The following PARD3 variants were observed in gnomAD, a reference collection of about 807,000 sequenced individuals.
PARD3 encodes the protein partitioning defective 3 homolog.
In PARD3, 75 loss-of-function variants were observed where a neutral mutation model predicts 155.4. The observed-to-expected ratio is 0.48, with a 90% CI of 0.40 to 0.58. The LOEUF (loss-of-function observed/expected upper bound fraction) is 0.58. Ranked by LOEUF, PARD3 falls within the 20% of genes least tolerant of loss-of-function variation. The pLI is 0.00. For missense variants in PARD3, 1,642 were observed against 1,721.7 expected (o/e 0.95, Z 0.82); for synonymous variants, 576 against 610.5 (o/e 0.94, Z 0.83).
intron 22 of PARD3, among the ~76,000 whole-genome samples, chr10:34,243,410 C>A (rs1380173888): frequency 6.6e-6 from 1 of 152,166 alleles, no homozygotes; most frequent in Non-Finnish European, 1.5e-5. Context: ...GCAGTTTTTA[C>A]AGATTAAATT....
chr10:34,543,333 A>G (rs1322017191), intron 2 of PARD3, among the ~76,000 whole-genome samples: 1 of 152,220 alleles, frequency 6.6e-6, no homozygotes, highest in Non-Finnish European at 1.5e-5. Flanking sequence ...AAATAAAAGA[A>G]TAACATTTTG....
intron 2 of PARD3, among the ~76,000 whole-genome samples, chr10:34,592,252 A>G (rs544201259): frequency 1.3e-4 from 20 of 152,326 alleles, no homozygotes; most frequent in African/African-American, 4.8e-4. Flanking sequence ...TGTAACACAT[A>G]CTGATGTAAT....
At chr10:34,477,910 G>A (rs1317988411) in intron 3 of PARD3, among the ~76,000 whole-genome samples, 6 of 152,204 alleles carry the variant, frequency 3.9e-5, no homozygotes, top group Non-Finnish European at 8.8e-5. Context: ...TTCCTAAAGA[G>A]ACATCTAACC....
At chr10:34,813,652 CA>C (rs915427163) in intron 1 of PARD3, among the ~76,000 whole-genome samples, 2 of 152,122 alleles carry the variant, frequency 1.3e-5, no homozygotes, top group African/African-American at 4.8e-5. Flanking sequence ...ATACTAAAAG[CA>C]AAACAAAAGT....
At chr10:34,714,281 T>C (rs1351374264) in intron 1 of PARD3, among the ~76,000 whole-genome samples, 2 of 152,180 alleles carry the variant, frequency 1.3e-5, no homozygotes. Context: ...CCTGGCTATA[T>C]GAAACCCAAC....
At chr10:34,411,607 A>G (rs1845060279) in intron 5 of PARD3, among the ~76,000 whole-genome samples, 2 of 151,984 alleles carry the variant, frequency 1.3e-5, no homozygotes, top group Admixed American at 1.3e-4. Flanking sequence ...TCCTTACACC[A>G]TTGGTTCTCC....
intron 1 of PARD3, among the ~76,000 whole-genome samples, chr10:34,792,233 G>C (rs1841736110): frequency 6.6e-6 from 1 of 152,148 alleles, no homozygotes; most frequent in Non-Finnish European, 1.5e-5. Context: ...TGTGGAGACA[G>C]AATAGAGTCT....
At chr10:34,640,632 C>T (rs1033386184) in intron 2 of PARD3, among the ~76,000 whole-genome samples, 6 of 134,998 alleles carry the variant, frequency 4.4e-5, no homozygotes, top group Admixed American at 1.7e-4. Flanking sequence ...TTGCTTGAAA[C>T]CGGGAGGTGG....
chr10:34,497,455 A>G (rs2080370798), intron 3 of PARD3, among the ~76,000 whole-genome samples: 1 of 152,168 alleles, frequency 6.6e-6, no homozygotes, highest in Non-Finnish European at 1.5e-5. Flanking sequence ...TATCTGCAGG[A>G]GTTCCTGGAA....
chr10:34,256,430 G>C (rs1248130226), intron 22 of PARD3, among the ~76,000 whole-genome samples: 14 of 152,248 alleles, frequency 9.2e-5, no homozygotes, highest in Admixed American at 9.2e-4. Flanking sequence ...GCCTCTCTCG[G>C]AGACAATCAG....
At chr10:34,534,705 A>G (rs1297627056) in intron 2 of PARD3, among the ~76,000 whole-genome samples, 1 of 152,072 alleles carries the variant, frequency 6.6e-6, no homozygotes, top group Non-Finnish European at 1.5e-5. Context: ...TGTTGTTGCT[A>G]TCATTAGTAT....
chr10:34,422,511 T>C (rs1265716778), intron 5 of PARD3, among the ~76,000 whole-genome samples: 4 of 151,556 alleles, frequency 2.6e-5, no homozygotes, highest in African/African-American at 9.7e-5. Flanking sequence ...ATAGAAGAAA[T>C]ATTTGGAAAT....
intron 16 of PARD3, among the ~76,000 whole-genome samples, chr10:34,339,189 C>T (rs1836525630): frequency 6.6e-6 from 1 of 152,118 alleles, no homozygotes; most frequent in Non-Finnish European, 1.5e-5. Flanking sequence ...AGTCACTCTG[C>T]ACATGCTAAC....
At chr10:34,312,120 A>G in intron 20 of PARD3, 1 of 666,946 alleles carries the variant, frequency 1.5e-6, no homozygotes, top group Non-Finnish European at 2.5e-6. Context: ...AAGAGAAAAA[A>G]ACACGTCTCT....
chr10:34,201,783 T>C (rs1346344328), intron 22 of PARD3, among the ~76,000 whole-genome samples: 1 of 152,142 alleles, frequency 6.6e-6, no homozygotes, highest in Non-Finnish European at 1.5e-5. Context: ...AGAGCTTCCA[T>C]TATCGTAAAA....
chr10:34,552,201 G>GGGCT (rs1227714731), intron 2 of PARD3, among the ~76,000 whole-genome samples: 1 of 152,120 alleles, frequency 6.6e-6, no homozygotes, highest in East Asian at 1.9e-4. Flanking sequence ...CTCAAACTTA[G>GGGCT]GGCTGTAGCA....
At chr10:34,364,883 A>T (rs1839817504) in intron 12 of PARD3, among the ~76,000 whole-genome samples, 1 of 152,258 alleles carries the variant, frequency 6.6e-6, no homozygotes, top group African/African-American at 2.4e-5. Flanking sequence ...ACCTCCAAGT[A>T]CAAGGTTCAA....
chr10:34,752,346 G>C (rs1836154266), intron 1 of PARD3, among the ~76,000 whole-genome samples: 1 of 151,882 alleles, frequency 6.6e-6, no homozygotes, highest in Non-Finnish European at 1.5e-5. Context: ...CCCATCCCCA[G>C]TTCAAACCTT....
intron 2 of PARD3, among the ~76,000 whole-genome samples, chr10:34,631,463 A>G (rs557544810): frequency 3.1e-4 from 47 of 152,314 alleles, no homozygotes; most frequent in Admixed American, 2.1e-3. Flanking sequence ...TCTCATTTCT[A>G]TAAGTGCTGG....
Sources: gnomAD v4.1 joint callset for allele counts (sites outside exome capture counted in the v4.1 genomes callset) on GRCh38, gnomAD v4.1.1 for gene constraint, MANE v1.5 for transcripts, NCBI Gene and HGNC (gene_info 2026-07-23, HGNC 2026-07-21) for gene names.